RAMP1: variants seen among roughly 807,000 people sequenced by gnomAD.
RAMP1 encodes receptor activity-modifying protein 1.
RAMP1 carries 7 observed loss-of-function variants against 8.2 expected under a neutral mutation model. The observed-to-expected ratio is 0.85, with a 90% CI of 0.49 to 1.60. The LOEUF (loss-of-function observed/expected upper bound fraction) is 1.60. Ranked by LOEUF, RAMP1 falls within the 40% of genes most tolerant of loss-of-function variation. RAMP1 has a pLI of 0.00. For synonymous variants in RAMP1, 92 were observed against 84.7 expected, an observed-to-expected ratio of 1.09 and a Z score of -0.47; for missense variants, 192 against 202.4, an observed-to-expected ratio of 0.95 and a Z score of 0.31.
At chr2:237,909,643 T>C (rs892222156) in intron 2 of RAMP1, among the ~76,000 whole-genome samples, 1 of 152,158 alleles carries the variant, frequency 6.6e-6, no homozygotes, top group African/African-American at 2.4e-5. Flanking sequence ...AGAGCCTCAG[T>C]TTCCTCTGCT....
chr2:237,900,483 G>C (rs1483703088), intron 2 of RAMP1, among the ~76,000 whole-genome samples: 11 of 152,124 alleles, frequency 7.2e-5, no homozygotes, highest in Non-Finnish European at 1.3e-4. Flanking sequence ...AATAATTATT[G>C]ATGGACAAAT....
chr2:237,885,113 T>G (rs1206477527), intron 2 of RAMP1, among the ~76,000 whole-genome samples: 1 of 152,268 alleles, frequency 6.6e-6, no homozygotes, highest in Non-Finnish European at 1.5e-5. Flanking sequence ...GCCTTCTTTG[T>G]GTCTCCTGCT....
At chr2:237,863,127 AC>A (rs566049394) in intron 1 of RAMP1, among the ~76,000 whole-genome samples, 22 of 151,956 alleles carry the variant, frequency 1.4e-4, no homozygotes, top group Non-Finnish European at 3.1e-4. Flanking sequence ...CTCCTCCTCC[AC>A]TGGGGACCCA....
chr2:237,888,754 T>C (rs1052875234), intron 2 of RAMP1, among the ~76,000 whole-genome samples: 6 of 152,188 alleles, frequency 3.9e-5, no homozygotes, highest in Non-Finnish European at 7.3e-5. Context: ...ATTTTTAATC[T>C]TCTTTTACAA....
chr2:237,893,819 G>A (rs1395743427), intron 2 of RAMP1, among the ~76,000 whole-genome samples: 1 of 152,020 alleles, frequency 6.6e-6, no homozygotes, highest in Non-Finnish European at 1.5e-5. Context: ...CGCACCTGCA[G>A]TCCCAGCTAC....
Position 237,911,478 on chromosome 2 carries a change from T to C in RAMP1, c.192-50T>C, listed in dbSNP as rs1351991907. Reference sequence around the variant, plus strand: ...CAGCAGCCCGGGCTGGGGTCCCGCGTTGGATCCCCCGCCTGCCCAGGGTCT... The same window carrying C: ...CAGCAGCCCGGGCTGGGGTCCCGCGCTGGATCCCCCGCCTGCCCAGGGTCT... On this transcript the variant is annotated intron_variant, in intron 2 of 2. Coordinates refer to ENST00000254661, the MANE Select transcript of RAMP1 (RefSeq NM_005855.4). The C allele has an allele frequency of 4.4e-6, 7 of 1,600,264 alleles. No individual in the cohort carries two copies. In the African/African-American group the frequency reaches 9.4e-5, roughly 21 times the overall value.
rs73088695 is a variant in RAMP1, at chr2:237,863,814, C to T, written c.52+4087C>T. Among the ~76,000 whole-genome samples the T allele has an allele frequency of 5.7e-3, 860 of 152,086 alleles. 12 individuals carry two copies. The highest frequency in any genetic ancestry group is 0.019 in the African/African-American group (801 of 41,464). On this transcript the variant is annotated intron_variant, in intron 1 of 2. Coordinates refer to ENST00000254661, the MANE Select transcript of RAMP1 (RefSeq NM_005855.4). ...CCCGTGCTCCGAGAGTGCTTCACTCCCTCCCATGTGCAGTCACATGGTGGA... is the reference window on the plus strand; with the variant it reads ...CCCGTGCTCCGAGAGTGCTTCACTCTCTCCCATGTGCAGTCACATGGTGGA...
At chr2:237,889,480 T>G (rs1221509549) in intron 2 of RAMP1, among the ~76,000 whole-genome samples, 1 of 152,260 alleles carries the variant, frequency 6.6e-6, no homozygotes, top group African/African-American at 2.4e-5. Flanking sequence ...GCTTCCTATG[T>G]GCATTAGAGT....
intron 2 of RAMP1, among the ~76,000 whole-genome samples, chr2:237,889,516 T>A (rs1447242820): frequency 6.6e-6 from 1 of 152,366 alleles, no homozygotes; most frequent in East Asian, 1.9e-4. Flanking sequence ...TTTACTTATA[T>A]TCTGGGGTCG....
At chr2:237,876,497 C>T (rs2062305068) in intron 1 of RAMP1, among the ~76,000 whole-genome samples, 1 of 152,124 alleles carries the variant, frequency 6.6e-6, no homozygotes, top group Non-Finnish European at 1.5e-5. Flanking sequence ...GACCTGGGGA[C>T]AGTGGGAGGG....
At chr2:237,904,152 G>A (rs1406413750) in intron 2 of RAMP1, among the ~76,000 whole-genome samples, 10 of 152,134 alleles carry the variant, frequency 6.6e-5, no homozygotes, top group East Asian at 3.9e-4. Flanking sequence ...AGTGGCTCAC[G>A]CCTGTAATCC....
intron 2 of RAMP1, among the ~76,000 whole-genome samples, chr2:237,898,819 G>A (rs373467794): frequency 1.3e-5 from 2 of 152,238 alleles, no homozygotes; most frequent in East Asian, 3.9e-4. Flanking sequence ...CCTGACGCAC[G>A]CCAGGCCAGG....
intron 2 of RAMP1, among the ~76,000 whole-genome samples, chr2:237,888,422 G>A (rs943800233): frequency 7.9e-5 from 12 of 152,148 alleles, no homozygotes; most frequent in African/African-American, 2.4e-4. Flanking sequence ...AATTCTATCA[G>A]CAACATATGA....
At position 237,861,846 on chromosome 2, in the gene RAMP1, C is replaced by T. The variant is rs528387851; in HGVS notation, c.52+2119C>T. 6.7e-5 allele frequency among the ~76,000 whole-genome samples: 9 copies of T among 134,928 alleles called. No individual in the cohort carries two copies. The East Asian group carries it at 1.2e-3, about 18-fold the overall frequency. 88.5% of individuals were successfully genotyped at this position (134,928 alleles called of 152,430 possible). A position where few individuals can be genotyped will look rare whatever the true frequency, so the allele number is the denominator to read the frequency against. ...AGCCTGGGTGATAAGAGTGAAACTC[C>T]GTCTCAAAAAAAAAAAAAACTTAGG... On this transcript the variant is annotated intron_variant, in intron 1 of 2. Transcript: ENST00000254661.
chr2:237,907,659 T>C (rs2062667149), intron 2 of RAMP1, among the ~76,000 whole-genome samples: 1 of 152,202 alleles, frequency 6.6e-6, no homozygotes, highest in Non-Finnish European at 1.5e-5. Flanking sequence ...GTCTTTGACT[T>C]TGAGTTTTCA....
chr2:237,881,151 G>T (rs2062364297), intron 2 of RAMP1, among the ~76,000 whole-genome samples: 1 of 152,144 alleles, frequency 6.6e-6, no homozygotes, highest in Non-Finnish European at 1.5e-5. Context: ...CTTATATAAA[G>T]GGTTGTATAC....
At chr2:237,900,358 G>A (rs1013876348) in intron 2 of RAMP1, among the ~76,000 whole-genome samples, 17 of 152,118 alleles carry the variant, frequency 1.1e-4, no homozygotes, top group Admixed American at 4.6e-4. Context: ...ATGGGGTTTC[G>A]CCATGCTGCC....
chr2:237,900,032 AT>A (rs2062582132), intron 2 of RAMP1, among the ~76,000 whole-genome samples: 2 of 152,208 alleles, frequency 1.3e-5, no homozygotes, highest in South Asian at 4.1e-4. Flanking sequence ...TTAAGTCGAT[AT>A]TTGATAGTTT....
chr2:237,872,346 G>A (rs1207927245), intron 1 of RAMP1, among the ~76,000 whole-genome samples: 1 of 152,228 alleles, frequency 6.6e-6, no homozygotes, highest in East Asian at 1.9e-4. Flanking sequence ...CACTCTCCCA[G>A]GGCCCCTGTG....
Sources: gnomAD v4.1 joint callset for allele counts (sites outside exome capture counted in the v4.1 genomes callset) on GRCh38, gnomAD v4.1.1 for gene constraint, MANE v1.5 for transcripts, NCBI Gene and HGNC (gene_info 2026-07-23, HGNC 2026-07-21) for gene names.